Variants in DNER observed in about 807,000 individuals in gnomAD.
DNER encodes the protein delta/notch like EGF repeat containing, also known as delta and Notch-like epidermal growth factor-related receptor.
A neutral mutation model predicts 78.2 loss-of-function variants in DNER; 33 were observed. The observed-to-expected ratio is 0.42, with a 90% CI of 0.32 to 0.56. The LOEUF (loss-of-function observed/expected upper bound fraction) is 0.56, where lower values mean the gene tolerates loss of function less well. Ranked by LOEUF, DNER falls within the 20% of genes least tolerant of loss-of-function variation. The pLI, the probability that DNER is intolerant of heterozygous loss-of-function variation, is 0.11. For missense variants in DNER, 918 were observed against 975.3 expected (o/e 0.94, Z 0.78); for synonymous variants, 417 against 384.8 (o/e 1.08, Z -0.98).
chr2:229,597,321 G>C lies in DNER; in HGVS notation c.277-5433C>G, dbSNP rs147890360. On this transcript the variant is annotated intron_variant, in intron 1 of 12. Coordinates refer to ENST00000341772, the MANE Select transcript of DNER (RefSeq NM_139072.4). ...AAGCTATCTGTTTCAATTCATAACAGCATATATAAGATAAGGTGCAATCAT... is the reference window on the plus strand; with the variant it reads ...AAGCTATCTGTTTCAATTCATAACACCATATATAAGATAAGGTGCAATCAT... 9.1e-3 allele frequency among the ~76,000 whole-genome samples: 1,379 copies of C among 152,274 alleles called. 12 individuals are homozygous for C. Among genetic ancestry groups the C allele is most frequent in the Non-Finnish European group, 0.014 (967 of 68,022 alleles).
At chr2:229,370,339 T>C (rs991094394) in intron 11 of DNER, among the ~76,000 whole-genome samples, 4 of 152,152 alleles carry the variant, frequency 2.6e-5, no homozygotes, top group Admixed American at 2.6e-4. Flanking sequence ...CCCTCCTGAA[T>C]ATTTCACCAA....
At chr2:229,375,543 G>C (rs1033971036) in intron 11 of DNER, among the ~76,000 whole-genome samples, 1 of 152,142 alleles carries the variant, frequency 6.6e-6, no homozygotes, top group African/African-American at 2.4e-5. Context: ...GGTAATTATG[G>C]ATTCAGTGGG....
At chr2:229,442,531 G>A (rs1385876350) in intron 8 of DNER, among the ~76,000 whole-genome samples, 6 of 148,020 alleles carry the variant, frequency 4.1e-5, no homozygotes, top group Admixed American at 4.0e-4. Flanking sequence ...AAAAAAAAAT[G>A]CTGGTAAACT....
At chr2:229,465,349 A>G (rs891181785) in intron 7 of DNER, among the ~76,000 whole-genome samples, 3 of 152,220 alleles carry the variant, frequency 2.0e-5, no homozygotes, top group Admixed American at 2.0e-4. Context: ...CAAGCACCAC[A>G]TATTCTCACT....
chr2:229,476,558 T>G (rs1042662885), intron 7 of DNER, among the ~76,000 whole-genome samples: 6 of 152,070 alleles, frequency 3.9e-5, no homozygotes, highest in African/African-American at 1.4e-4. Context: ...CAATTGAAAA[T>G]AATCCCTTCC....
intron 3 of DNER, 103 bp downstream of exon 3, chr2:229,588,291 C>G: frequency 9.8e-7 from 1 of 1,022,098 alleles, no homozygotes; most frequent in Non-Finnish European, 1.5e-6. Flanking sequence ...GTTCACGATT[C>G]TCACTTGACA....
Position 229,648,561 on chromosome 2 carries a change from G to A in DNER, c.277-56673C>T, listed in dbSNP as rs57386888. ...GCTGTCTAAAGTCGCTGTAGCTACTGCATTTCTCCTTTTCCTTTGTATTAC... is the reference window on the plus strand; with the variant it reads ...GCTGTCTAAAGTCGCTGTAGCTACTACATTTCTCCTTTTCCTTTGTATTAC... On this transcript the variant is annotated intron_variant, in intron 1 of 12. Coordinates refer to ENST00000341772, the MANE Select transcript of DNER (RefSeq NM_139072.4). Among the ~76,000 whole-genome samples, 8 of 152,292 alleles carry A rather than the reference G, an allele frequency of 5.3e-5. No homozygotes were observed. In the East Asian group the frequency reaches 1.2e-3, roughly 22 times the overall value.
chr2:229,537,252 A>G (rs1257084640), intron 5 of DNER, among the ~76,000 whole-genome samples: 2 of 152,136 alleles, frequency 1.3e-5, no homozygotes, highest in African/African-American at 2.4e-5. Context: ...CCAAAAATGT[A>G]TTTCTACCTG....
intron 8 of DNER, among the ~76,000 whole-genome samples, chr2:229,425,374 G>C (rs1431992161): frequency 6.6e-6 from 1 of 152,174 alleles, no homozygotes; most frequent in Non-Finnish European, 1.5e-5. Flanking sequence ...TTTCTAGCTA[G>C]TGCTCTTCCT....
intron 1 of DNER, among the ~76,000 whole-genome samples, chr2:229,617,579 T>C (rs1452298208): frequency 6.6e-6 from 1 of 152,228 alleles, no homozygotes; most frequent in Non-Finnish European, 1.5e-5. Flanking sequence ...TTGCTGATAT[T>C]GTAAGTCATT....
chr2:229,477,110 G>A (rs777126597), intron 7 of DNER, 30 bp downstream of exon 7: 2 of 1,567,720 alleles, frequency 1.3e-6, no homozygotes, highest in Middle Eastern at 1.7e-4. Flanking sequence ...AATGAAAAAA[G>A]TTCTTTCTGG....
At chr2:229,513,071 C>G (rs1695904770) in intron 5 of DNER, 135 bp from the exon 6 acceptor site, 1 of 1,001,778 alleles carries the variant, frequency 1.0e-6, no homozygotes, top group African/African-American at 1.6e-5. Flanking sequence ...ATGTCATAAT[C>G]TAGTTGAAAT....
intron 1 of DNER, among the ~76,000 whole-genome samples, chr2:229,711,911 G>C (rs1263759517): frequency 6.7e-6 from 1 of 148,998 alleles, no homozygotes; most frequent in South Asian, 2.1e-4. Flanking sequence ...GTTCTTTGCT[G>C]TTCCCATGAA....
chr2:229,696,079 G>C (rs1198755628), intron 1 of DNER, among the ~76,000 whole-genome samples: 1 of 152,116 alleles, frequency 6.6e-6, no homozygotes, highest in Non-Finnish European at 1.5e-5. Flanking sequence ...ACAAGGCTTG[G>C]GTTATGAAAA....
chr2:229,525,385 G>A (rs1018984247), intron 5 of DNER, among the ~76,000 whole-genome samples: 2 of 152,164 alleles, frequency 1.3e-5, no homozygotes, highest in Non-Finnish European at 1.5e-5. Context: ...AGGAATCACT[G>A]TAGTCTTCCT....
chr2:229,547,472 A>G (rs1696650211), intron 4 of DNER, among the ~76,000 whole-genome samples: 1 of 152,132 alleles, frequency 6.6e-6, no homozygotes, highest in Non-Finnish European at 1.5e-5. Context: ...TTGGAACCCC[A>G]GTCTTCTACC....
At chr2:229,572,855 T>C (rs1447499175) in intron 4 of DNER, among the ~76,000 whole-genome samples, 1 of 152,228 alleles carries the variant, frequency 6.6e-6, no homozygotes, top group African/African-American at 2.4e-5. Context: ...TGTGACTTTA[T>C]GAACAAGACT....
chr2:229,515,147 C>T lies in DNER; in HGVS notation c.994-2211G>A, dbSNP rs1023767796. On this transcript the variant is annotated intron_variant, in intron 5 of 12. Transcript: ENST00000341772. ...TTCTAGCAATAAAATGAGGATCTAT[C>T]TGTTTTTTCATCATGTTTTGAGTTT... Among the ~76,000 whole-genome samples the T allele has an allele frequency of 8.5e-5, 13 of 152,296 alleles. No individual in the cohort carries two copies. In the East Asian group the frequency reaches 2.5e-3, roughly 29 times the overall value.
At chr2:229,519,160 C>A (rs1696042979) in intron 5 of DNER, among the ~76,000 whole-genome samples, 2 of 152,018 alleles carry the variant, frequency 1.3e-5, no homozygotes, top group Admixed American at 1.3e-4. Flanking sequence ...AGCCAAATAT[C>A]ATGAATAAAT....
Sources: allele counts gnomAD v4.1 joint callset (sites outside exome capture counted in the v4.1 genomes callset), GRCh38; gene constraint gnomAD v4.1.1; transcripts MANE v1.5; gene names NCBI Gene and HGNC (gene_info 2026-07-23, HGNC 2026-07-21).